Variants in LDLRAD3 observed in about 807,000 individuals in gnomAD.
LDLRAD3 encodes the protein low density lipoprotein receptor class A domain containing 3, also known as low-density lipoprotein receptor class A domain-containing protein 3.
A neutral mutation model predicts 29.4 loss-of-function variants in LDLRAD3; 20 were observed. The ratio of observed to expected loss-of-function variants is 0.68; its 90% CI spans 0.48 to 0.99. The LOEUF is 0.99. Among genes scored for constraint, LDLRAD3 ranks in the 50% least tolerant of loss-of-function variants. The pLI, the probability that LDLRAD3 is intolerant of heterozygous loss-of-function variation, is 0.00. For synonymous variants in LDLRAD3, 157 were observed against 192.7 expected (o/e 0.81, Z 1.53); for missense variants, 420 against 454.3 (o/e 0.92, Z 0.69).
chr11:36,050,780 T>C (rs1852515419), intron 2 of LDLRAD3, among the ~76,000 whole-genome samples: 2 of 152,200 alleles, frequency 1.3e-5, no homozygotes, highest in South Asian at 2.1e-4. Context: ...TCCATTCAAA[T>C]ACCACTAACT....
chr11:36,151,900 G>A (rs1854283760), intron 4 of LDLRAD3, among the ~76,000 whole-genome samples: 1 of 152,200 alleles, frequency 6.6e-6, no homozygotes, highest in Non-Finnish European at 1.5e-5. Context: ...ATGAGCTGGG[G>A]CTACCAGAGA....
chr11:35,967,463 G>C, intron 1 of LDLRAD3: 1 of 344,388 alleles, frequency 2.9e-6, no homozygotes, highest in Non-Finnish European at 5.6e-6. Context: ...AAATAGGTCT[G>C]CTTTGGGAAG....
intron 1 of LDLRAD3, among the ~76,000 whole-genome samples, chr11:35,977,017 A>G (rs1851485393): frequency 6.6e-6 from 1 of 152,202 alleles, no homozygotes; most frequent in East Asian, 1.9e-4. Flanking sequence ...TCAAGCTCGA[A>G]TTCAATAACT....
chr11:36,206,524 AC>A (rs1855211037), intron 4 of LDLRAD3, among the ~76,000 whole-genome samples: 1 of 152,138 alleles, frequency 6.6e-6, no homozygotes, highest in African/African-American at 2.4e-5. Flanking sequence ...TAGTTAGGGA[AC>A]TCAGGGGAGA....
chr11:36,123,026 A>C (rs1019305609), intron 4 of LDLRAD3, among the ~76,000 whole-genome samples: 1 of 152,034 alleles, frequency 6.6e-6, no homozygotes, highest in Non-Finnish European at 1.5e-5. Flanking sequence ...AACAACAACA[A>C]AAATTTAAAA....
intron 2 of LDLRAD3, among the ~76,000 whole-genome samples, chr11:36,080,076 T>G (rs1853087190): frequency 6.6e-6 from 1 of 152,206 alleles, no homozygotes; most frequent in Admixed American, 6.5e-5. Context: ...GAGTTGGCTG[T>G]TGCCAAAGTC....
chr11:35,990,106 C>T (rs1851668833), intron 1 of LDLRAD3, among the ~76,000 whole-genome samples: 1 of 152,096 alleles, frequency 6.6e-6, no homozygotes, highest in Non-Finnish European at 1.5e-5. Context: ...TCAGTTTTTC[C>T]ATCACCTATA....
chr11:36,096,071 C>A (rs1853356047), intron 3 of LDLRAD3, among the ~76,000 whole-genome samples: 1 of 152,184 alleles, frequency 6.6e-6, no homozygotes, highest in African/African-American at 2.4e-5. Flanking sequence ...TTAAAACTTC[C>A]ATTTTCAGGC....
In LDLRAD3 at chr11:35,992,018, A is replaced by G. The variant is rs141922361; in HGVS notation, c.47-44085A>G. ...TACATCTTGGAATGGGAGTTGGTTT[A>G]AACAAGGAAATTTATTCATCACTGA... is the stretch of plus-strand genomic sequence containing the variant. On this transcript the variant is annotated intron_variant, in intron 1 of 5. Coordinates refer to ENST00000315571, the MANE Select transcript of LDLRAD3 (RefSeq NM_174902.4). 4.8e-3 allele frequency among the ~76,000 whole-genome samples: 735 copies of G among 152,214 alleles called. 9 individuals carry two copies. The highest frequency in any genetic ancestry group is 0.017 in the African/African-American group (685 of 41,506).
intron 4 of LDLRAD3, among the ~76,000 whole-genome samples, chr11:36,149,304 G>A (rs77817720): frequency 0.026 from 3,939 of 152,238 alleles, 173 homozygotes; most frequent in African/African-American, 0.09. Context: ...AAATCTGTCA[G>A]ATAAAATCTA....
intron 4 of LDLRAD3, among the ~76,000 whole-genome samples, chr11:36,111,931 G>A (rs1358137772): frequency 6.6e-6 from 1 of 152,168 alleles, no homozygotes; most frequent in African/African-American, 2.4e-5. Context: ...TTTGTGGAAT[G>A]CCTCTAAATG....
intron 4 of LDLRAD3, among the ~76,000 whole-genome samples, chr11:36,105,663 C>T (rs988191339): frequency 6.6e-6 from 1 of 152,238 alleles, no homozygotes; most frequent in South Asian, 2.1e-4. Flanking sequence ...GATGCATTTA[C>T]AAGCCAAGGA....
At chr11:36,122,924 C>T (rs898356869) in intron 4 of LDLRAD3, among the ~76,000 whole-genome samples, 3 of 152,058 alleles carry the variant, frequency 2.0e-5, no homozygotes, top group Non-Finnish European at 4.4e-5. Context: ...GTAATAAATA[C>T]CAGCACTTTG....
At chr11:36,026,218 T>G (rs539425071) in intron 1 of LDLRAD3, among the ~76,000 whole-genome samples, 1 of 152,354 alleles carries the variant, frequency 6.6e-6, no homozygotes, top group Admixed American at 6.5e-5. Context: ...GATTTACCTA[T>G]GTTGAGTGAT....
chr11:36,118,905 C>T (rs1237884971), intron 4 of LDLRAD3, among the ~76,000 whole-genome samples: 3 of 152,106 alleles, frequency 2.0e-5, no homozygotes, highest in African/African-American at 7.2e-5. Context: ...ATGGATTTGC[C>T]TCTTCTAGAG....
intron 1 of LDLRAD3, among the ~76,000 whole-genome samples, chr11:36,001,342 T>C (rs961648985): frequency 8.5e-5 from 13 of 152,214 alleles, no homozygotes; most frequent in Non-Finnish European, 1.9e-4. Flanking sequence ...CCTAATGCTA[T>C]CCCTCCCCGC....
intron 4 of LDLRAD3, among the ~76,000 whole-genome samples, chr11:36,140,260 G>A (rs546771795): frequency 1.3e-5 from 2 of 152,218 alleles, no homozygotes; most frequent in Non-Finnish European, 2.9e-5. Context: ...GCAGGGCAAA[G>A]TAAACCAAAA....
chr11:36,053,889 T>C (rs1263356036), intron 2 of LDLRAD3, among the ~76,000 whole-genome samples: 2 of 152,034 alleles, frequency 1.3e-5, no homozygotes, highest in Non-Finnish European at 2.9e-5. Flanking sequence ...ACCCTAATGC[T>C]AGCAGTTAGC....
At chr11:36,067,682 T>G (rs1852817963) in intron 2 of LDLRAD3, among the ~76,000 whole-genome samples, 1 of 152,106 alleles carries the variant, frequency 6.6e-6, no homozygotes, top group South Asian at 2.1e-4. Flanking sequence ...GTAATTAACT[T>G]TTTTTTGAGA....
Sources: allele counts gnomAD v4.1 joint callset (sites outside exome capture counted in the v4.1 genomes callset), GRCh38; gene constraint gnomAD v4.1.1; transcripts MANE v1.5; gene names NCBI Gene and HGNC (gene_info 2026-07-23, HGNC 2026-07-21).